The following TMEM74 variants were observed in gnomAD, a reference collection of about 807,000 sequenced individuals.
TMEM74 encodes transmembrane protein 74.
In TMEM74, 13 loss-of-function variants were observed where a neutral mutation model predicts 18.1. The ratio of observed to expected loss-of-function variants is 0.72; its 90% CI spans 0.47 to 1.14. The LOEUF (loss-of-function observed/expected upper bound fraction) is 1.14. Among genes scored for constraint, TMEM74 ranks in the 50% most tolerant of loss-of-function variants. The pLI is 0.00. For missense variants in TMEM74, 372 were observed against 375.9 expected, an observed-to-expected ratio of 0.99 and a Z score of 0.09; for synonymous variants, 159 against 146.6, an observed-to-expected ratio of 1.08 and a Z score of -0.61.
chr8:108,646,909 G>A (rs965092592), intron 2 of TMEM74, among the ~76,000 whole-genome samples: 1 of 152,130 alleles, frequency 6.6e-6, no homozygotes, highest in Non-Finnish European at 1.5e-5. Flanking sequence ...ACAGGGGTGG[G>A]TTCCTCCTTG....
chr8:108,704,092 G>A (rs1813365634), intron 1 of TMEM74, among the ~76,000 whole-genome samples: 1 of 152,138 alleles, frequency 6.6e-6, no homozygotes, highest in African/African-American at 2.4e-5. Flanking sequence ...AAGTCTCATT[G>A]TTTTATCCAT....
chr8:108,680,284 C>A (rs1269028208), intron 1 of TMEM74, among the ~76,000 whole-genome samples: 1 of 152,110 alleles, frequency 6.6e-6, no homozygotes, highest in African/African-American at 2.4e-5. Flanking sequence ...ACTGGCAAAC[C>A]GAATCCAGCA....
At chr8:108,763,466 A>AT (rs1323240921) in intron 1 of TMEM74, among the ~76,000 whole-genome samples, 3 of 152,282 alleles carry the variant, frequency 2.0e-5, no homozygotes, top group African/African-American at 7.2e-5. Context: ...ATATTCACCA[A>AT]TTTTGGAGAT....
intron 1 of TMEM74, among the ~76,000 whole-genome samples, chr8:108,770,880 C>G (rs1464800646): frequency 6.6e-6 from 1 of 152,078 alleles, no homozygotes; most frequent in East Asian, 1.9e-4. Context: ...ACTTTGAGAG[C>G]CTCCTTCCTA....
chr8:108,708,809 C>CA (rs71564016), intron 1 of TMEM74, among the ~76,000 whole-genome samples: 4,514 of 17,798 alleles, frequency 0.25, 526 homozygotes, highest in African/African-American at 0.26. Context: ...AACTCAATAG[C>CA]AAAAAAAAAA....
chr8:108,666,841 G>C (rs1254691374), intron 1 of TMEM74, among the ~76,000 whole-genome samples: 1 of 152,094 alleles, frequency 6.6e-6, no homozygotes, highest in Non-Finnish European at 1.5e-5. Context: ...AGGAAATTTA[G>C]CATTATAAAT....
chr8:108,673,503 T>A (rs7823996), intron 1 of TMEM74, among the ~76,000 whole-genome samples: 4,477 of 152,262 alleles, frequency 0.029, 123 homozygotes, highest in African/African-American at 0.066. Flanking sequence ...TAGGGCTGAA[T>A]GTAAACATCT....
chr8:108,726,555 A>G (rs565043935), intron 1 of TMEM74, among the ~76,000 whole-genome samples: 35 of 152,348 alleles, frequency 2.3e-4, no homozygotes, highest in Admixed American at 4.6e-4. Flanking sequence ...TGGTGATCAA[A>G]TAAGTGTAAA....
intron 1 of TMEM74, among the ~76,000 whole-genome samples, chr8:108,690,807 C>A (rs960603163): frequency 2.6e-5 from 4 of 151,790 alleles, no homozygotes; most frequent in Non-Finnish European, 5.9e-5. Flanking sequence ...GGCGACAGAG[C>A]AAGACTTCAT....
intron 1 of TMEM74, among the ~76,000 whole-genome samples, chr8:108,730,648 T>TTTTTTTTTTTTTTTTTTTTC (rs1813684989): frequency 1.3e-5 from 2 of 151,084 alleles, no homozygotes; most frequent in African/African-American, 4.9e-5. Flanking sequence ...TTTTTTTTTT[T>TTTTTTTTTTTTTTTTTTTTC]TTTGTGACGG....
chr8:108,613,004 T>C (rs1812348148), intron 2 of TMEM74, among the ~76,000 whole-genome samples: 1 of 152,210 alleles, frequency 6.6e-6, no homozygotes, highest in Non-Finnish European at 1.5e-5. Flanking sequence ...TTGAAAAACA[T>C]AAACTTCTGA....
rs3049749 is a variant in TMEM74, at chr8:108,706,776, GGTGTGT to G, written n.120-51345_120-51340del. Reference sequence around the variant, plus strand: ...AACATTAGCTTCTAGAATTACAAGGGGTGTGTGTGTGTGTGTGTGTGTGTGTGTGTG... The same window carrying G: ...AACATTAGCTTCTAGAATTACAAGGGGTGTGTGTGTGTGTGTGTGTGTGTG... On this transcript the variant is annotated intron_variant and non_coding_transcript_variant, in intron 1 of 3. Transcript: ENST00000518838. Among the ~76,000 whole-genome samples the G allele has an allele frequency of 1.1e-4, 16 of 144,970 alleles. 1 individual carries two copies. Among genetic ancestry groups the G allele is most frequent in the Admixed American group, 4.1e-4 (6 of 14,590 alleles).
intron 1 of TMEM74, among the ~76,000 whole-genome samples, chr8:108,742,993 T>C (rs1254159544): frequency 1.3e-5 from 2 of 152,238 alleles, no homozygotes; most frequent in Non-Finnish European, 2.9e-5. Flanking sequence ...TTTTTTTGCA[T>C]TCAGCACAAG....
chr8:108,773,070 A>T (rs931652059), intron 1 of TMEM74, among the ~76,000 whole-genome samples: 3 of 152,092 alleles, frequency 2.0e-5, no homozygotes, highest in African/African-American at 7.2e-5. Context: ...TTTGATTGAG[A>T]ATTGGGCAAA....
At chr8:108,703,778 C>T (rs1461990587) in intron 1 of TMEM74, among the ~76,000 whole-genome samples, 1 of 152,198 alleles carries the variant, frequency 6.6e-6, no homozygotes, top group Non-Finnish European at 1.5e-5. Context: ...TTTCTCAGAG[C>T]TATTTGCCTG....
intron 1 of TMEM74, among the ~76,000 whole-genome samples, chr8:108,669,409 C>G (rs1389380805): frequency 2.6e-5 from 4 of 152,086 alleles, no homozygotes. Context: ...AAAACATTTA[C>G]TGAGCCCAAA....
intron 1 of TMEM74, among the ~76,000 whole-genome samples, chr8:108,664,712 C>G (rs1356075794): frequency 6.6e-6 from 1 of 152,016 alleles, no homozygotes; most frequent in African/African-American, 2.4e-5. Context: ...GATTCAGTGG[C>G]CTACAGGTAT....
chr8:108,755,332 A>G (rs1171404745), intron 1 of TMEM74, among the ~76,000 whole-genome samples: 1 of 152,072 alleles, frequency 6.6e-6, no homozygotes, highest in Admixed American at 6.6e-5. Flanking sequence ...ACACAGTTAA[A>G]CTGTGCCTGG....
downstream of TMEM74, among the ~76,000 whole-genome samples, chr8:108,778,544 G>T (rs1008645564): frequency 2.6e-5 from 4 of 152,158 alleles, no homozygotes; most frequent in African/African-American, 4.8e-5. Flanking sequence ...TCCTATAAAG[G>T]ATGTAGATAA....
Sources: gnomAD v4.1 joint callset for allele counts (sites outside exome capture counted in the v4.1 genomes callset) on GRCh38, gnomAD v4.1.1 for gene constraint, MANE v1.5 for transcripts, NCBI Gene and HGNC (gene_info 2026-07-23, HGNC 2026-07-21) for gene names.